Variants in BCAS3 observed in about 807,000 individuals in gnomAD.
BCAS3 encodes the protein BCAS4/BCAS3 fusion.
A neutral mutation model predicts 116.1 loss-of-function variants in BCAS3; 53 were observed. The ratio of observed to expected loss-of-function variants is 0.46; its 90% CI spans 0.37 to 0.57. The LOEUF (loss-of-function observed/expected upper bound fraction) is 0.57. Ranked by LOEUF, BCAS3 falls within the 20% of genes least tolerant of loss-of-function variation. BCAS3 has a pLI of 0.00. For synonymous variants in BCAS3, 391 were observed against 408.2 expected (o/e 0.96, Z 0.51); for missense variants, 917 against 1,165.4 (o/e 0.79, Z 3.10).
intron 9 of BCAS3, among the ~76,000 whole-genome samples, chr17:60,885,653 C>T (rs2056569953): frequency 1.3e-5 from 2 of 148,328 alleles, no homozygotes; most frequent in African/African-American, 5.0e-5. Flanking sequence ...GTGACAAAAT[C>T]TCTCAGCATT....
intron 22 of BCAS3, among the ~76,000 whole-genome samples, chr17:61,330,169 GT>G (rs1042238528): frequency 2.0e-5 from 3 of 152,070 alleles, no homozygotes; most frequent in Non-Finnish European, 4.4e-5. Context: ...CTAAGAGTAG[GT>G]TTTTTATTTC....
chr17:60,819,662 G>A (rs1316619697), intron 7 of BCAS3, among the ~76,000 whole-genome samples: 1 of 152,176 alleles, frequency 6.6e-6, no homozygotes, highest in Non-Finnish European at 1.5e-5. Flanking sequence ...GTGATTCAAA[G>A]AGAGTTTAAA....
Position 61,362,595 on chromosome 17 carries a change from C to G in BCAS3, c.2426-5732C>G, listed in dbSNP as rs1463593772. ...CAAAGCACGTGTTCCCCCAGCCTCC[C>G]CAGGAGCTACCAGCTTGCCAGCTGT... On this transcript the variant is annotated intron_variant, in intron 22 of 23. Coordinates refer to ENST00000407086, the MANE Select transcript of BCAS3 (RefSeq NM_017679.5). The surrounding 1 kb of genome is among the most constrained non-coding windows in gnomAD (Gnocchi z 4.4). 6.6e-6 allele frequency: 1 copy of G among 152,212 alleles called. No homozygotes were observed. Among genetic ancestry groups the G allele is most frequent in the Non-Finnish European group, 1.5e-5 (1 of 68,050 alleles). 9.4% of individuals were successfully genotyped at this position (152,212 alleles called of 1,614,324 possible). A position where few individuals can be genotyped will look rare whatever the true frequency, so the allele number is the denominator to read the frequency against.
intron 18 of BCAS3, among the ~76,000 whole-genome samples, chr17:61,040,153 C>T (rs138775436): frequency 6.6e-6 from 1 of 152,224 alleles, no homozygotes; most frequent in Non-Finnish European, 1.5e-5. Context: ...AAAATGATCC[C>T]TGTCCTTTTG....
In BCAS3 at chr17:61,087,260, G is replaced by A; in HGVS notation, c.2425+2696G>A. On this transcript the variant is annotated intron_variant, in intron 22 of 23. Coordinates refer to ENST00000407086, the MANE Select transcript of BCAS3 (RefSeq NM_017679.5). This position sits in a 1 kb window ranked among gnomAD's most constrained non-coding sequence, Gnocchi z 4.6. ...ATACGACCAGTGTGGCACCTCCTCT[G>A]TTGGTCTTCATTGCCCTGTATTACC... is the stretch of plus-strand genomic sequence containing the variant. 5.1e-6 allele frequency: 5 copies of A among 972,274 alleles called. No individual in the cohort carries two copies. Among genetic ancestry groups the A allele is most frequent in the Non-Finnish European group, 6.1e-6 (5 of 817,956 alleles). The allele number at this position is 972,274 out of a possible 1,614,324, so 60.2% of individuals were successfully genotyped here.
intron 22 of BCAS3, among the ~76,000 whole-genome samples, chr17:61,269,465 T>C (rs780457985): frequency 1.4e-4 from 22 of 152,112 alleles, no homozygotes; most frequent in Non-Finnish European, 1.5e-5. Flanking sequence ...GATTGCTGGA[T>C]TGTATATGGT....
intron 22 of BCAS3, among the ~76,000 whole-genome samples, chr17:61,252,432 T>C (rs965331661): frequency 6.6e-6 from 1 of 152,144 alleles, no homozygotes; most frequent in Non-Finnish European, 1.5e-5. Context: ...GTCAAGAACA[T>C]GTCACAAGCC....
rs1030163523 is a variant in BCAS3, at chr17:61,380,863, G to A, written c.2594-11114G>A. The stretch of plus-strand genomic sequence containing the variant: ...CTGTGCAGAGCAGGGAGGTCACTAG[G>A]CTCTAATGCATTTACCATTGACTGC... On this transcript the variant is annotated intron_variant, in intron 23 of 23. Coordinates refer to ENST00000407086, the MANE Select transcript of BCAS3 (RefSeq NM_017679.5). This position sits in a 1 kb window ranked among gnomAD's most constrained non-coding sequence, Gnocchi z 4.2. Among the ~76,000 whole-genome samples, 1 of 152,194 alleles carries A rather than the reference G, an allele frequency of 6.6e-6. No homozygotes were observed. Among genetic ancestry groups the A allele is most frequent in the African/African-American group, 2.4e-5 (1 of 41,454 alleles).
intron 9 of BCAS3, among the ~76,000 whole-genome samples, chr17:60,875,162 G>C (rs973958873): frequency 6.6e-6 from 1 of 151,950 alleles, no homozygotes; most frequent in Admixed American, 6.6e-5. Context: ...TATATTTTTC[G>C]AATAAGGACT....
At chr17:61,001,709 G>A (rs1163253460) in intron 15 of BCAS3, among the ~76,000 whole-genome samples, 1 of 152,050 alleles carries the variant, frequency 6.6e-6, no homozygotes, top group African/African-American at 2.4e-5. Context: ...TATTGATTAT[G>A]TGTACTTTAT....
At chr17:60,900,986 A>G (rs2057853525) in intron 10 of BCAS3, among the ~76,000 whole-genome samples, 1 of 152,126 alleles carries the variant, frequency 6.6e-6, no homozygotes, top group Non-Finnish European at 1.5e-5. Context: ...AGACTGGTGC[A>G]TCACTTGAGG....
At chr17:60,981,501 T>C (rs2062813169) in intron 14 of BCAS3, among the ~76,000 whole-genome samples, 1 of 152,144 alleles carries the variant, frequency 6.6e-6, no homozygotes, top group South Asian at 2.1e-4. Flanking sequence ...CAGGCTGGTC[T>C]GGAACCCCTT....
At chr17:60,860,234 C>T (rs554304520) in intron 7 of BCAS3, among the ~76,000 whole-genome samples, 1 of 152,244 alleles carries the variant, frequency 6.6e-6, no homozygotes, top group African/African-American at 2.4e-5. Flanking sequence ...TTGATTTGCA[C>T]CTCTCTAATG....
chr17:60,895,668 G>A (rs562124121), intron 10 of BCAS3, among the ~76,000 whole-genome samples: 1 of 152,040 alleles, frequency 6.6e-6, no homozygotes, highest in Non-Finnish European at 1.5e-5. Flanking sequence ...CTTTTTTGAT[G>A]TAGGCGTTTA....
intron 6 of BCAS3, among the ~76,000 whole-genome samples, chr17:60,759,842 A>C (rs1268278212): frequency 2.0e-5 from 3 of 151,912 alleles, no homozygotes; most frequent in Non-Finnish European, 4.4e-5. Context: ...CTTTTAAAAA[A>C]TACTGTAGAG....
chr17:60,904,560 TGTGCCTC>T (rs2058089177), intron 11 of BCAS3, among the ~76,000 whole-genome samples: 1 of 152,102 alleles, frequency 6.6e-6, no homozygotes, highest in African/African-American at 2.4e-5. Context: ...GGCTGGATGC[TGTGCCTC>T]GTGCCTGTAA....
rs865948438 is a variant in BCAS3 at position 60,955,679 on chromosome 17, C to T, written c.1221+8327C>T. Among the ~76,000 whole-genome samples the T allele has an allele frequency of 3.9e-5, 6 of 152,192 alleles. No homozygotes were observed. The South Asian group carries it at 6.2e-4, about 16-fold the overall frequency. On this transcript the variant is annotated intron_variant, in intron 14 of 23. Transcript: ENST00000407086. Reference sequence around the variant, plus strand: ...GATTACAGGCATGAGCCACCGTGCCCGGCTGGAGACTGAATTTTTATATCT... The same window carrying T: ...GATTACAGGCATGAGCCACCGTGCCTGGCTGGAGACTGAATTTTTATATCT...
chr17:61,272,075 G>A, intron 22 of BCAS3, among the ~76,000 whole-genome samples: 1 of 152,094 alleles, frequency 6.6e-6, no homozygotes, highest in Non-Finnish European at 1.5e-5. Context: ...CTCCAAAAGT[G>A]CTGGAATTAG....
rs1434674129 is a variant in BCAS3, at chr17:61,384,957, G to A, written c.2594-7020G>A. On this transcript the variant is annotated intron_variant, in intron 23 of 23. Coordinates refer to ENST00000407086, the MANE Select transcript of BCAS3 (RefSeq NM_017679.5). ...GGGGAGCCAGGCAGCCTGGGAGGTGGGTGTATGCTCAGTGTGGTGGGAAGC... is the reference window on the plus strand; with the variant it reads ...GGGGAGCCAGGCAGCCTGGGAGGTGAGTGTATGCTCAGTGTGGTGGGAAGC... Among the ~76,000 whole-genome samples, 3 of 152,170 alleles carry A rather than the reference G, an allele frequency of 2.0e-5. No individual in the cohort carries two copies. In the East Asian group the frequency reaches 5.8e-4, roughly 29 times the overall value.
Sources: gnomAD v4.1 joint callset for allele counts (sites outside exome capture counted in the v4.1 genomes callset) on GRCh38, gnomAD v4.1.1 for gene constraint, Gnocchi (gnomAD v3.1) non-coding constraint, MANE v1.5 for transcripts, NCBI Gene and HGNC (gene_info 2026-07-23, HGNC 2026-07-21) for gene names.